Variants in CSMD3 observed in about 807,000 individuals in gnomAD.
CSMD3 encodes CUB and Sushi multiple domains 3, also known as CUB and sushi domain-containing protein 3.
A neutral mutation model predicts 435.2 loss-of-function variants in CSMD3; 177 were observed. That is an observed-to-expected ratio of 0.41 (90% confidence interval 0.36 to 0.46). The LOEUF (loss-of-function observed/expected upper bound fraction) is 0.46, where lower values mean the gene tolerates loss of function less well. Among genes scored for constraint, CSMD3 ranks in the 20% least tolerant of loss-of-function variants. The pLI, the probability that CSMD3 is intolerant of heterozygous loss-of-function variation, is 0.34. For missense variants in CSMD3, 4,265 were observed against 4,504.6 expected (o/e 0.95, Z 1.52); for synonymous variants, 1,656 against 1,520.5 (o/e 1.09, Z -2.07).
At chr8:112,694,707 C>T (rs1360359478) in intron 13 of CSMD3, among the ~76,000 whole-genome samples, 2 of 152,050 alleles carry the variant, frequency 1.3e-5, no homozygotes, top group Non-Finnish European at 1.5e-5. Flanking sequence ...GTCTCTCCAC[C>T]TAAATCTCAT....
At chr8:113,177,504 A>G (rs2092364029) in intron 3 of CSMD3, among the ~76,000 whole-genome samples, 1 of 151,948 alleles carries the variant, frequency 6.6e-6, no homozygotes, top group Admixed American at 6.6e-5. Context: ...ACACAAAATA[A>G]TTATAGAATC....
intron 10 of CSMD3, among the ~76,000 whole-genome samples, chr8:112,872,825 G>A (rs1023664639): frequency 3.3e-5 from 5 of 152,020 alleles, no homozygotes; most frequent in African/African-American, 1.2e-4. Flanking sequence ...AGGTGAGATA[G>A]AATGATATAA....
At chr8:112,408,061 GA>G (rs914153902) in intron 34 of CSMD3, among the ~76,000 whole-genome samples, 6 of 151,556 alleles carry the variant, frequency 4.0e-5, no homozygotes, top group Admixed American at 6.6e-5. Flanking sequence ...GGATTGTCAG[GA>G]AAAAAAAGTA....
chr8:113,019,567 A>T (rs1266144361), intron 5 of CSMD3, among the ~76,000 whole-genome samples: 1 of 148,950 alleles, frequency 6.7e-6, no homozygotes, highest in African/African-American at 2.4e-5. Flanking sequence ...TATTTATTAT[A>T]TATATTGTAT....
At chr8:112,491,407 CA>C in intron 31 of CSMD3, among the ~76,000 whole-genome samples, 1 of 152,184 alleles carries the variant, frequency 6.6e-6, no homozygotes, top group Non-Finnish European at 1.5e-5. Context: ...GTAATCCCAG[CA>C]CTTTAGAAAG....
At chr8:113,074,819 C>T (rs1336397458) in intron 5 of CSMD3, among the ~76,000 whole-genome samples, 1 of 151,832 alleles carries the variant, frequency 6.6e-6, no homozygotes, top group African/African-American at 2.4e-5. Flanking sequence ...ATTTCAAGGG[C>T]ATAAACTGTT....
rs139698460 is a variant in CSMD3 at position 113,407,125 on chromosome 8, T to G, written c.178+29552A>C. ...CATGAGCTGTTACTAAAAATCAGAT[T>G]TGAAAATAAGGCAAATATGAAGTCT... On this transcript the variant is annotated intron_variant, in intron 1 of 70. Transcript: ENST00000297405. 1.6e-3 allele frequency among the ~76,000 whole-genome samples: 241 copies of G among 152,242 alleles called. 5 individuals are homozygous for G. Among genetic ancestry groups the G allele is most frequent in the East Asian group, 0.011 (59 of 5,184 alleles).
At chr8:112,717,650 GT>G (rs1708472993) in intron 13 of CSMD3, among the ~76,000 whole-genome samples, 1 of 152,002 alleles carries the variant, frequency 6.6e-6, no homozygotes, top group Admixed American at 6.6e-5. Context: ...TAGCAAAGAC[GT>G]GGAACCAACC....
At chr8:112,314,379 A>T (rs2130835023) in intron 48 of CSMD3, 50 bp downstream of exon 48, 1 of 1,290,512 alleles carries the variant, frequency 7.7e-7, no homozygotes, top group South Asian at 1.2e-5. Flanking sequence ...GTATAATTAG[A>T]ACATTTGTAC....
At chr8:112,568,543 G>A (rs1829248252) in intron 24 of CSMD3, among the ~76,000 whole-genome samples, 1 of 150,778 alleles carries the variant, frequency 6.6e-6, no homozygotes, top group South Asian at 2.1e-4. Flanking sequence ...TCCAGCCTGG[G>A]CGACAGAGCA....
At position 113,098,133 on chromosome 8, in the gene CSMD3, C is replaced by CTTT. The variant is rs528784479; in HGVS notation, c.917+622_917+623insAAA. ...TGGTTCTTAGCAAATCTTCACATGG[C>CTTT]TTAAAAGATCCTCTCTAGTCTAGTG... On this transcript the variant is annotated intron_variant, in intron 5 of 70. Coordinates refer to ENST00000297405, the MANE Select transcript of CSMD3 (RefSeq NM_198123.2). Among the ~76,000 whole-genome samples, 84 of 152,110 alleles carry CTTT rather than the reference C, an allele frequency of 5.5e-4. 1 individual carries two copies. The South Asian group carries it at 0.016, about 28-fold the overall frequency.
rs1820800411 is a variant in CSMD3, at chr8:112,492,524, C to A, written c.5243G>T (p.Arg1748Ile). The part of the protein sequence containing the change: ...TLTCIMGDDG[R>I]PGWNRALPSC... ...TGGCAAGGCTCTATTCCATCCAGGTCTTCCATCATCTCCCATGATACAGGT... is the reference window on the plus strand; with the variant it reads ...TGGCAAGGCTCTATTCCATCCAGGTATTCCATCATCTCCCATGATACAGGT... The change falls in exon 31 of 71, where the codon AGA becomes ATA. Residue 1748 changes from arginine (R) to isoleucine (I), a missense_variant. Coordinates refer to ENST00000297405, the MANE Select transcript of CSMD3 (RefSeq NM_198123.2). The A allele has an allele frequency of 6.2e-7, 1 of 1,613,956 alleles. No individual in the cohort carries two copies.
At chr8:113,259,660 GA>G (rs1212643916) in intron 3 of CSMD3, among the ~76,000 whole-genome samples, 2 of 151,994 alleles carry the variant, frequency 1.3e-5, no homozygotes, top group Non-Finnish European at 1.5e-5. Context: ...GGAATTTAAA[GA>G]ATAAAGATAT....
intron 32 of CSMD3, among the ~76,000 whole-genome samples, chr8:112,436,210 CTATCT>C (rs1814326226): frequency 6.6e-6 from 1 of 151,804 alleles, no homozygotes; most frequent in Non-Finnish European, 1.5e-5. Context: ...ATGGCTTATC[CTATCT>C]TGAGAAACTG....
At chr8:113,404,192 A>G (rs373995874) in intron 1 of CSMD3, among the ~76,000 whole-genome samples, 1 of 151,452 alleles carries the variant, frequency 6.6e-6, no homozygotes, top group South Asian at 2.1e-4. Context: ...TGAATAATAA[A>G]AAGTAAAGGC....
intron 2 of CSMD3, among the ~76,000 whole-genome samples, chr8:113,303,041 C>T (rs982163526): frequency 1.1e-3 from 109 of 98,896 alleles, no homozygotes; most frequent in African/African-American, 4.4e-3. Flanking sequence ...TGTCCTTAAG[C>T]TGATAAGCAA....
chr8:113,294,722 T>C (rs1319030887), intron 2 of CSMD3, among the ~76,000 whole-genome samples: 1 of 152,172 alleles, frequency 6.6e-6, no homozygotes, highest in Non-Finnish European at 1.5e-5. Context: ...GTAGCCCATA[T>C]TGACTATCAT....
intron 35 of CSMD3, among the ~76,000 whole-genome samples, chr8:112,398,760 A>C (rs900190455): frequency 2.7e-4 from 41 of 152,176 alleles, no homozygotes; most frequent in African/African-American, 7.9e-4. Flanking sequence ...TGATCTCTAA[A>C]ATGCACTCAG....
rs2130580417 is a variant in CSMD3 at position 112,281,304 on chromosome 8, G to T, written c.9378C>A (p.Phe3126Leu). The T allele has an allele frequency of 6.2e-7, 1 of 1,613,446 alleles. No individual in the cohort carries two copies. The highest frequency in any genetic ancestry group is 8.5e-7 in the Non-Finnish European group (1 of 1,179,582). ...NPGTTANGKV[F>L]RIDGTTFSSS... is the part of the protein sequence containing the mutation. ...TAGAAAATGTTGTGCCATCAATTCGGAAGACTTTCCCATTGGCTGTGGTTC... is the reference window on the plus strand; with the variant it reads ...TAGAAAATGTTGTGCCATCAATTCGTAAGACTTTCCCATTGGCTGTGGTTC... The change falls in exon 59 of 71, where the codon TTC (phenylalanine) becomes TTA (leucine). Residue 3126 changes from phenylalanine to leucine, a missense_variant. Transcript: ENST00000297405.
Sources: gnomAD v4.1 joint callset for allele counts (sites outside exome capture counted in the v4.1 genomes callset) on GRCh38, gnomAD v4.1.1 for gene constraint, MANE v1.5 for transcripts, NCBI Gene and HGNC (gene_info 2026-07-23, HGNC 2026-07-21) for gene names.